The following SLC39A11 variants were observed in gnomAD, a reference collection of about 807,000 sequenced individuals.
SLC39A11 encodes zinc transporter ZIP11.
In SLC39A11, 33 loss-of-function variants were observed where a neutral mutation model predicts 36.1. The ratio of observed to expected loss-of-function variants is 0.91; its 90% CI spans 0.69 to 1.22. The LOEUF is 1.22. SLC39A11 is among the 50% of genes most tolerant of loss of function. SLC39A11 has a pLI of 0.00. For missense variants in SLC39A11, 432 were observed against 430.3 expected (o/e 1.00, Z -0.03); for synonymous variants, 166 against 170.3 (o/e 0.97, Z 0.20).
chr17:73,033,650 T>C (rs1467064389), intron 3 of SLC39A11, among the ~76,000 whole-genome samples: 1 of 152,216 alleles, frequency 6.6e-6, no homozygotes, highest in Admixed American at 6.5e-5. Context: ...ACAGATGCTA[T>C]GACATCTTTT....
rs115342413 is a variant in SLC39A11, at chr17:73,080,739, G to T, written c.147+4069C>A. 1.3e-5 allele frequency among the ~76,000 whole-genome samples: 2 copies of T among 152,048 alleles called. 1 individual carries two copies. The highest frequency in any genetic ancestry group is 4.1e-4 in the South Asian group (2 of 4,832). ...ACAGGCAGATAATTTGAGGTCCAGC[G>T]TTTAAGACCAGCCTGGCCAACATGG... On this transcript the variant is annotated intron_variant, in intron 3 of 9. Coordinates refer to ENST00000255559, the MANE Select transcript of SLC39A11 (RefSeq NM_139177.4).
At chr17:72,760,771 C>G (rs558164746) in intron 6 of SLC39A11, among the ~76,000 whole-genome samples, 66 of 152,316 alleles carry the variant, frequency 4.3e-4, no homozygotes, top group Non-Finnish European at 8.1e-4. Flanking sequence ...CGGCAGGCAA[C>G]TCAAATCACT....
intron 6 of SLC39A11, among the ~76,000 whole-genome samples, chr17:72,813,004 C>G (rs1198841619): frequency 1.3e-5 from 2 of 152,154 alleles, no homozygotes; most frequent in African/African-American, 4.8e-5. Context: ...ATTTTCTCTT[C>G]CAGAATTGAA....
intron 3 of SLC39A11, among the ~76,000 whole-genome samples, chr17:73,049,022 C>T (rs2059410882): frequency 6.6e-6 from 1 of 152,152 alleles, no homozygotes; most frequent in Admixed American, 6.5e-5. Flanking sequence ...AGGGGTCCCT[C>T]GGCGATGCTG....
At chr17:72,902,120 A>T (rs2082418348) in intron 5 of SLC39A11, among the ~76,000 whole-genome samples, 1 of 151,988 alleles carries the variant, frequency 6.6e-6, no homozygotes, top group Admixed American at 6.5e-5. Context: ...AAAAATACAA[A>T]ATTAGCCAGG....
intron 5 of SLC39A11, among the ~76,000 whole-genome samples, chr17:72,873,079 AAAG>A (rs1468529619): frequency 6.6e-6 from 1 of 151,886 alleles, no homozygotes; most frequent in Non-Finnish European, 1.5e-5. Context: ...AGAAAAAAAA[AAAG>A]AATTATGGTT....
chr17:72,815,461 T>A (rs915088434), intron 6 of SLC39A11, among the ~76,000 whole-genome samples: 1 of 151,228 alleles, frequency 6.6e-6, no homozygotes, highest in Non-Finnish European at 1.5e-5. Context: ...CTACTAAAAA[T>A]ACAAAATTAG....
At chr17:72,669,774 G>T (rs1296987917) in intron 7 of SLC39A11, among the ~76,000 whole-genome samples, 2 of 152,124 alleles carry the variant, frequency 1.3e-5, no homozygotes, top group African/African-American at 4.8e-5. Context: ...GGGGCAGACT[G>T]CTTGAGCCCA....
Position 72,900,165 on chromosome 17 carries a change from G to GAA in SLC39A11, c.430+47585_430+47586dup, listed in dbSNP as rs754738475. 2.3e-4 allele frequency among the ~76,000 whole-genome samples: 21 copies of GAA among 90,374 alleles called. 3 individuals carry two copies. The highest frequency in any genetic ancestry group is 7.0e-4 in the African/African-American group (19 of 27,320). The allele number at this position is 90,374 out of a possible 152,430, so 59.3% of individuals were successfully genotyped here. The stretch of plus-strand genomic sequence containing the variant: ...AAAAGAAAGAAAGAAAAGAAAGAAA[G>GAA]AAAGAAAGAAAGAAAGAAAGAAAGA... On this transcript the variant is annotated intron_variant, in intron 5 of 9. Coordinates refer to ENST00000255559, the MANE Select transcript of SLC39A11 (RefSeq NM_139177.4).
intron 6 of SLC39A11, among the ~76,000 whole-genome samples, chr17:72,810,639 T>C (rs1214783628): frequency 2.6e-5 from 4 of 152,198 alleles, no homozygotes; most frequent in African/African-American, 9.7e-5. Flanking sequence ...GCTAGGGTAT[T>C]TTGTATCATG....
intron 2 of SLC39A11, among the ~76,000 whole-genome samples, chr17:73,087,872 A>G (rs986663102): frequency 6.6e-6 from 1 of 152,166 alleles, no homozygotes; most frequent in African/African-American, 2.4e-5. Context: ...GGTTGAAAAA[A>G]AAGGGAACAG....
At chr17:72,967,736 C>T (rs112696088) in intron 4 of SLC39A11, among the ~76,000 whole-genome samples, 35 of 152,286 alleles carry the variant, frequency 2.3e-4, no homozygotes, top group African/African-American at 8.4e-4. Context: ...AGCATTCGCA[C>T]TGTGCACCTT....
At chr17:73,091,774 C>T (rs981951646) in intron 1 of SLC39A11, 2 of 152,294 alleles carry the variant, frequency 1.3e-5, no homozygotes, top group Non-Finnish European at 2.9e-5. Flanking sequence ...GAATCATTCT[C>T]TGACCGTTCC....
chr17:73,053,780 G>A (rs988020968), intron 3 of SLC39A11, among the ~76,000 whole-genome samples: 7 of 152,256 alleles, frequency 4.6e-5, no homozygotes, highest in African/African-American at 7.2e-5. Flanking sequence ...CTCACCCCAC[G>A]CAGCTGATGG....
intron 6 of SLC39A11, among the ~76,000 whole-genome samples, chr17:72,826,648 C>T (rs1040625892): frequency 7.9e-5 from 12 of 152,112 alleles, no homozygotes; most frequent in Admixed American, 7.9e-4. Context: ...AGAAAGATTC[C>T]TTAAGCTTGA....
chr17:73,068,351 T>C (rs2144443091), intron 3 of SLC39A11: 1 of 533,470 alleles, frequency 1.9e-6, no homozygotes, highest in Non-Finnish European at 3.3e-6. Flanking sequence ...GTCTCAATTA[T>C]TCTCAGTCAA....
intron 3 of SLC39A11, among the ~76,000 whole-genome samples, chr17:73,058,046 T>C (rs1446429242): frequency 6.6e-6 from 1 of 151,112 alleles, no homozygotes; most frequent in Non-Finnish European, 1.5e-5. Context: ...AATTTACTTC[T>C]GTGGGAAAAG....
At chr17:72,896,793 G>A (rs1023472645) in intron 5 of SLC39A11, among the ~76,000 whole-genome samples, 1 of 151,982 alleles carries the variant, frequency 6.6e-6, no homozygotes, top group Admixed American at 6.6e-5. Context: ...GCTCACACCT[G>A]TAATCCCAGC....
At position 73,087,608 on chromosome 17, in the gene SLC39A11, G is replaced by A. The variant is rs188867573; in HGVS notation, c.108+1049C>T. On this transcript the variant is annotated intron_variant, in intron 2 of 9. Coordinates refer to ENST00000255559, the MANE Select transcript of SLC39A11 (RefSeq NM_139177.4). ...AGGTGAGTGTGGGTTGTGCAGAGGTGTGGGGAGGGCATATGGGTATGGGTA... is the reference window on the plus strand; with the variant it reads ...AGGTGAGTGTGGGTTGTGCAGAGGTATGGGGAGGGCATATGGGTATGGGTA... Among the ~76,000 whole-genome samples the A allele has an allele frequency of 2.5e-4, 38 of 152,256 alleles. 1 individual carries two copies. In the East Asian group the frequency reaches 6.9e-3, roughly 28 times the overall value.
Sources: allele counts gnomAD v4.1 joint callset (sites outside exome capture counted in the v4.1 genomes callset), GRCh38; gene constraint gnomAD v4.1.1; transcripts MANE v1.5; gene names NCBI Gene and HGNC (gene_info 2026-07-23, HGNC 2026-07-21).